Variants in INTS6 observed in about 807,000 individuals in gnomAD.
INTS6 encodes the protein integrator complex subunit 6.
INTS6 carries 16 observed loss-of-function variants against 104.9 expected under a neutral mutation model. That is an observed-to-expected ratio of 0.15 (90% confidence interval 0.10 to 0.23). The LOEUF (loss-of-function observed/expected upper bound fraction) is 0.23. INTS6 is among the 10% of genes least tolerant of loss of function. The pLI is 1.00. For synonymous variants in INTS6, 324 were observed against 358.7 expected, an observed-to-expected ratio of 0.90 and a Z score of 1.09; for missense variants, 584 against 1,062.8, an observed-to-expected ratio of 0.55 and a Z score of 6.26.
At chr13:51,370,800 G>A (rs1955788273) in intron 15 of INTS6, among the ~76,000 whole-genome samples, 1 of 152,086 alleles carries the variant, frequency 6.6e-6, no homozygotes, top group African/African-American at 2.4e-5. Context: ...AAAACAAAGG[G>A]CCTCAATCCC....
intron 3 of INTS6, chr13:51,449,023 C>T (rs1326848850): frequency 2.6e-5 from 4 of 152,112 alleles, no homozygotes; most frequent in Admixed American, 1.3e-4. Context: ...GAATAGAAAA[C>T]ATGAAATGTT....
At position 51,374,433 on chromosome 13, in the gene INTS6, T is replaced by G; in HGVS notation, c.1879A>C (p.Met627Leu). The G allele has an allele frequency of 6.3e-7, 1 of 1,588,820 alleles. No homozygotes were observed. Among genetic ancestry groups the G allele is most frequent in the Non-Finnish European group, 8.6e-7 (1 of 1,162,240 alleles). Residue 627 changes from methionine to leucine, a missense_variant, in exon 15 of 18, where the codon ATG (methionine) becomes CTG (leucine). Coordinates refer to ENST00000311234, the MANE Select transcript of INTS6 (RefSeq NM_012141.3). Reference protein sequence around the residue: ...NPFKLDKKGMMIDEADEFVAG... With the variant: ...NPFKLDKKGMLIDEADEFVAG... ...ACAAATTCATCTGCTTCATCTATCA[T>G]CATACCCTTTAGCAAAAAAGAATAC...
downstream of INTS6, among the ~76,000 whole-genome samples, chr13:51,353,197 G>A (rs1442364592): frequency 6.6e-6 from 1 of 151,742 alleles, no homozygotes; most frequent in Non-Finnish European, 1.5e-5. Flanking sequence ...CACTTTTACT[G>A]ATGTTTTTAG....
chr13:51,415,435 G>C (rs1295462227), intron 4 of INTS6, among the ~76,000 whole-genome samples: 2 of 152,170 alleles, frequency 1.3e-5, no homozygotes, highest in African/African-American at 2.4e-5. Context: ...AAACCCCCAT[G>C]GGAGGTAATT....
the INTS6 span, among the ~76,000 whole-genome samples, chr13:51,344,733 G>A: frequency 0.021 from 3,145 of 152,116 alleles, 55 homozygotes; most frequent in African/African-American, 0.049. Context: ...AGCCACAAGA[G>A]CACACAAGAA....
chr13:51,428,387 C>T (rs1385362143), intron 4 of INTS6, among the ~76,000 whole-genome samples: 1 of 149,422 alleles, frequency 6.7e-6, no homozygotes, highest in Non-Finnish European at 1.5e-5. Flanking sequence ...TGCAGTGGCA[C>T]GGTCTCAGCT....
At chr13:51,345,180 A>C in the INTS6 span, among the ~76,000 whole-genome samples, 2 of 152,150 alleles carry the variant, frequency 1.3e-5, no homozygotes, top group South Asian at 4.1e-4. Flanking sequence ...TACTCTCCCC[A>C]TTCTATAAAT....
the INTS6 span, among the ~76,000 whole-genome samples, chr13:51,345,725 T>C: frequency 6.6e-6 from 1 of 152,180 alleles, no homozygotes; most frequent in Non-Finnish European, 1.5e-5. Flanking sequence ...GATAAAGTTC[T>C]CTCTCATGCT....
At chr13:51,381,182 T>C (rs118147100) in intron 10 of INTS6, among the ~76,000 whole-genome samples, 297 of 152,292 alleles carry the variant, frequency 2.0e-3, no homozygotes, top group Middle Eastern at 0.01. Context: ...TGCCATTTTA[T>C]ATGAGGGACT....
At position 51,452,642 on chromosome 13, in the gene INTS6, G is replaced by A; in HGVS notation, c.-117C>T. ...GGGCGGGGGAGCACGGCCCCCGGGAGGAAAACACTGTCTGGGTCTTTCCTC... is the reference window on the plus strand; with the variant it reads ...GGGCGGGGGAGCACGGCCCCCGGGAAGAAAACACTGTCTGGGTCTTTCCTC... On this transcript the variant is annotated 5_prime_UTR_variant, in exon 1 of 18. Transcript: ENST00000311234. This position sits in a 1 kb window ranked among gnomAD's most constrained non-coding sequence, Gnocchi z 4.2. 6.7e-7 allele frequency: 1 copy of A among 1,500,246 alleles called. No homozygotes were observed. The highest frequency in any genetic ancestry group is 8.9e-7 in the Non-Finnish European group (1 of 1,123,808). 92.9% of individuals were successfully genotyped at this position (1,500,246 alleles called of 1,614,324 possible).
chr13:51,344,358 GCCACTGTC>G, the INTS6 span: 1 of 1,613,700 alleles, frequency 6.2e-7, no homozygotes, highest in Non-Finnish European at 8.5e-7. Flanking sequence ...AAGTGGGAAC[GCCACTGTC>G]CCCCTGCTTT....
At position 51,363,282 on chromosome 13, in the gene INTS6, TAA is replaced by T. The variant is rs1955618715; in HGVS notation, c.*2468_*2469del. ...AGTAATCAGAATGAAAATATAAGGATAATCCAAAACCAGTTCCACAATCCACT... is the reference window on the plus strand; with the variant it reads ...AGTAATCAGAATGAAAATATAAGGATTCCAAAACCAGTTCCACAATCCACT... On this transcript the variant is annotated 3_prime_UTR_variant, in exon 18 of 18. Transcript: ENST00000311234. 3 of 151,932 alleles carry T rather than the reference TAA, an allele frequency of 2.0e-5. No homozygotes were observed. The highest frequency in any genetic ancestry group is 2.9e-5 in the Non-Finnish European group (2 of 67,880). The allele number at this position is 151,932 out of a possible 1,614,324, so 9.4% of individuals were successfully genotyped here. A position where few individuals can be genotyped will look rare whatever the true frequency, so the allele number is the denominator to read the frequency against.
At chr13:51,396,025 C>T (rs1353652970) in intron 4 of INTS6, among the ~76,000 whole-genome samples, 2 of 151,876 alleles carry the variant, frequency 1.3e-5, no homozygotes, top group Non-Finnish European at 1.5e-5. Flanking sequence ...CTCAAACTCC[C>T]GATCTCAGGT....
At chr13:51,397,192 G>T (rs1956355476) in intron 4 of INTS6, among the ~76,000 whole-genome samples, 1 of 152,040 alleles carries the variant, frequency 6.6e-6, no homozygotes, top group South Asian at 2.1e-4. Flanking sequence ...CTTGATGGGG[G>T]TTGAAGTCAT....
exon 4 of INTS6, chr13:51,354,306 TC>T (rs1296005782): frequency 2.6e-5 from 4 of 152,296 alleles, no homozygotes; most frequent in African/African-American, 9.6e-5. Flanking sequence ...TGGGCAAGTT[TC>T]TTAAACTCTT....
chr13:51,351,661 T>C (rs1301684691), downstream of INTS6, among the ~76,000 whole-genome samples: 1 of 152,164 alleles, frequency 6.6e-6, no homozygotes, highest in Non-Finnish European at 1.5e-5. Flanking sequence ...CTATGTTTTC[T>C]TTTGTTTCTT....
At chr13:51,348,058 C>T in the INTS6 span, among the ~76,000 whole-genome samples, 1 of 152,032 alleles carries the variant, frequency 6.6e-6, no homozygotes, top group African/African-American at 2.4e-5. Context: ...CCATATCGCC[C>T]AACAGTCTTT....
At chr13:51,341,935 G>A in the INTS6 span, among the ~76,000 whole-genome samples, 3 of 152,160 alleles carry the variant, frequency 2.0e-5, no homozygotes, top group Non-Finnish European at 2.9e-5. Context: ...TTATAAATCT[G>A]TGACTTCTAG....
At chr13:51,387,358 T>A in intron 7 of INTS6, 28 bp downstream of exon 7, 1 of 1,581,306 alleles carries the variant, frequency 6.3e-7, no homozygotes, top group Non-Finnish European at 8.6e-7. Context: ...ATGGTTACTA[T>A]TACATAGTTA....
Sources: gnomAD v4.1 joint callset for allele counts (sites outside exome capture counted in the v4.1 genomes callset) on GRCh38, gnomAD v4.1.1 for gene constraint, Gnocchi (gnomAD v3.1) non-coding constraint, MANE v1.5 for transcripts, NCBI Gene and HGNC (gene_info 2026-07-23, HGNC 2026-07-21) for gene names.